PTPRM: variants seen among roughly 807,000 people sequenced by gnomAD.
PTPRM encodes receptor-type tyrosine-protein phosphatase mu.
PTPRM carries 47 observed loss-of-function variants against 186.7 expected under a neutral mutation model. The observed-to-expected ratio is 0.25, with a 90% CI of 0.20 to 0.32. The LOEUF (loss-of-function observed/expected upper bound fraction) is 0.32. Ranked by LOEUF, PTPRM falls within the 10% of genes least tolerant of loss-of-function variation. The pLI, the probability that PTPRM is intolerant of heterozygous loss-of-function variation, is 1.00. For synonymous variants in PTPRM, 668 were observed against 674.9 expected, an observed-to-expected ratio of 0.99 and a Z score of 0.16; for missense variants, 1,494 against 1,865.0, an observed-to-expected ratio of 0.80 and a Z score of 3.66.
intron 1 of PTPRM, among the ~76,000 whole-genome samples, chr18:7,601,253 C>T (rs989363356): frequency 6.6e-6 from 1 of 152,204 alleles, no homozygotes; most frequent in Non-Finnish European, 1.5e-5. Flanking sequence ...GGCTTTCCTC[C>T]CCACTGGCAT....
At chr18:8,337,371 T>C (rs1283852451) in intron 22 of PTPRM, among the ~76,000 whole-genome samples, 1 of 152,154 alleles carries the variant, frequency 6.6e-6, no homozygotes, top group Non-Finnish European at 1.5e-5. Flanking sequence ...GTGTGGGCTG[T>C]TCTTATCTTA....
intron 1 of PTPRM, among the ~76,000 whole-genome samples, chr18:7,632,104 C>T (rs887558141): frequency 2.6e-5 from 4 of 152,164 alleles, no homozygotes; most frequent in African/African-American, 9.7e-5. Flanking sequence ...GAAGGTTGGT[C>T]CAGTATGGAA....
At chr18:7,662,964 A>AAT (rs2039012842) in intron 1 of PTPRM, among the ~76,000 whole-genome samples, 1 of 152,224 alleles carries the variant, frequency 6.6e-6, no homozygotes, top group African/African-American at 2.4e-5. Context: ...ACTTGCCTGG[A>AAT]ATACTTGCTT....
At chr18:7,660,418 G>A (rs2038952915) in intron 1 of PTPRM, among the ~76,000 whole-genome samples, 1 of 152,122 alleles carries the variant, frequency 6.6e-6, no homozygotes, top group African/African-American at 2.4e-5. Context: ...TTTGTATGGT[G>A]GCCCAGGCTG....
intron 2 of PTPRM, among the ~76,000 whole-genome samples, chr18:7,846,407 T>C (rs1326038416): frequency 1.3e-5 from 2 of 152,250 alleles, no homozygotes; most frequent in African/African-American, 4.8e-5. Context: ...TCAAACTCTT[T>C]TGACTGTTTT....
At chr18:7,715,551 G>C (rs1301035224) in intron 1 of PTPRM, among the ~76,000 whole-genome samples, 1 of 152,102 alleles carries the variant, frequency 6.6e-6, no homozygotes, top group Non-Finnish European at 1.5e-5. Context: ...CAAATAGGAA[G>C]AGAAGAAGTC....
At chr18:7,780,297 A>G (rs1354586788) in intron 2 of PTPRM, among the ~76,000 whole-genome samples, 1 of 152,200 alleles carries the variant, frequency 6.6e-6, no homozygotes, top group Non-Finnish European at 1.5e-5. Flanking sequence ...AGGAAACTGA[A>G]GTTCAGAAAA....
At chr18:8,386,928 G>A in intron 30 of PTPRM, 144 bp from the exon 31 acceptor site, 1 of 830,714 alleles carries the variant, frequency 1.2e-6, no homozygotes, top group Admixed American at 2.5e-5. Flanking sequence ...AACTCTTCAG[G>A]CCAGCAGAAG....
intron 7 of PTPRM, among the ~76,000 whole-genome samples, chr18:8,040,328 C>T (rs1206069255): frequency 6.6e-6 from 1 of 152,136 alleles, no homozygotes; most frequent in Non-Finnish European, 1.5e-5. Context: ...TACCCAGGTC[C>T]AGGGGCACTA....
chr18:7,638,595 T>C (rs2038373058), intron 1 of PTPRM, among the ~76,000 whole-genome samples: 1 of 152,360 alleles, frequency 6.6e-6, no homozygotes, highest in South Asian at 2.1e-4. Flanking sequence ...GAAACTGTTA[T>C]GTAGACCATC....
Position 8,244,165 on chromosome 18 carries a change from A to G in PTPRM, c.2408A>G (p.Asp803Gly). 6.3e-7 allele frequency: 1 copy of G among 1,597,462 alleles called. No homozygotes were observed. Residue 803 changes from aspartate to glycine, a missense_variant, in exon 15 of 33, where the codon GAC becomes GGC. By Grantham distance (94) the Asp-to-Gly change is moderately conservative. Transcript: ENST00000580170. ...TATGCTGAGCAGGGCACAAACTGCG[A>G]CGAGGCTTTCTCATTCATGGACACG... ...KSYAEQGTNC[D>G]EAFSFMDTHN...
chr18:7,701,528 A>G (rs1230614001), intron 1 of PTPRM, among the ~76,000 whole-genome samples: 1 of 152,012 alleles, frequency 6.6e-6, no homozygotes, highest in African/African-American at 2.4e-5. Flanking sequence ...TGAACCTGGG[A>G]GGTGGAGGTT....
At chr18:7,985,017 TTATA>T (rs1286985902) in intron 7 of PTPRM, among the ~76,000 whole-genome samples, 7 of 123,460 alleles carry the variant, frequency 5.7e-5, no homozygotes, top group Non-Finnish European at 1.1e-4. Context: ...ATACATATAA[TTATA>T]TATACATATA....
rs867721701 is a variant in PTPRM, at chr18:7,985,284, C to T, written c.1132+29870C>T. Among the ~76,000 whole-genome samples the T allele has an allele frequency of 2.7e-4, 14 of 50,942 alleles. 4 individuals carry two copies. Among genetic ancestry groups the T allele is most frequent in the Admixed American group, 4.1e-4 (2 of 4,836 alleles). 33.4% of individuals were successfully genotyped at this position (50,942 alleles called of 152,430 possible). On this transcript the variant is annotated intron_variant, in intron 7 of 32. Transcript: ENST00000580170. ...ATATATACATATAATAGTATATACACATAAATATATACATATAATAGTATA... is the reference window on the plus strand; with the variant it reads ...ATATATACATATAATAGTATATACATATAAATATATACATATAATAGTATA...
intron 1 of PTPRM, among the ~76,000 whole-genome samples, chr18:7,773,883 T>G (rs1461196797): frequency 6.6e-6 from 1 of 152,160 alleles, no homozygotes; most frequent in African/African-American, 2.4e-5. Flanking sequence ...CCCGGCCAGA[T>G]CTTACCTTCA....
At chr18:7,971,138 C>T (rs2054504143) in intron 7 of PTPRM, among the ~76,000 whole-genome samples, 1 of 54,476 alleles carries the variant, frequency 1.8e-5, no homozygotes, top group Non-Finnish European at 3.7e-5. Context: ...CAGAACAGAG[C>T]CCTCAGAAAT....
At chr18:7,836,108 A>T (rs904189138) in intron 2 of PTPRM, among the ~76,000 whole-genome samples, 2 of 152,092 alleles carry the variant, frequency 1.3e-5, no homozygotes, top group African/African-American at 4.8e-5. Flanking sequence ...TGTTATTGAT[A>T]AGTAAGGACT....
At chr18:8,395,123 T>C (rs2095839489) in intron 32 of PTPRM, among the ~76,000 whole-genome samples, 4 of 152,008 alleles carry the variant, frequency 2.6e-5, no homozygotes, top group Admixed American at 2.6e-4. Context: ...TTCTTAAGAG[T>C]ATTTTATGAA....
intron 4 of PTPRM, among the ~76,000 whole-genome samples, chr18:7,917,792 TA>T (rs1426630659): frequency 6.6e-6 from 1 of 152,192 alleles, no homozygotes; most frequent in African/African-American, 2.4e-5. Context: ...AATAAGTGTA[TA>T]TTTGTACCCA....
Sources: gnomAD v4.1 joint callset for allele counts (sites outside exome capture counted in the v4.1 genomes callset) on GRCh38, gnomAD v4.1.1 for gene constraint, MANE v1.5 for transcripts, NCBI Gene and HGNC (gene_info 2026-07-23, HGNC 2026-07-21) for gene names.